KLHL24: variants seen among roughly 807,000 people sequenced by gnomAD.
KLHL24 encodes the protein kelch-like protein 24.
A neutral mutation model predicts 53.4 loss-of-function variants in KLHL24; 29 were observed. That is an observed-to-expected ratio of 0.54 (90% CI 0.40 to 0.74). The LOEUF (loss-of-function observed/expected upper bound fraction) is 0.74, where lower values mean the gene tolerates loss of function less well. Ranked by LOEUF, KLHL24 falls within the 30% of genes least tolerant of loss-of-function variation. KLHL24 has a pLI of 0.00. For synonymous variants in KLHL24, 222 were observed against 253.7 expected (o/e 0.88, Z 1.19); for missense variants, 504 against 744.0 (o/e 0.68, Z 3.75).
chr3:183,651,228 AC>A lies in KLHL24; in HGVS notation c.874del (p.His292ThrfsTer7). ...CYQLLHEARR[Y>X]HILGNEMMSP... Reference sequence around the variant, plus strand: ...CAGTTGTTGCATGAAGCAAGACGGTACCACATACTTGGGAATGAAATGATGT... The same window carrying A: ...CAGTTGTTGCATGAAGCAAGACGGTACACATACTTGGGAATGAAATGATGT... On this transcript the variant is annotated frameshift_variant, in exon 3 of 8. Coordinates refer to ENST00000242810, the MANE Select transcript of KLHL24 (RefSeq NM_017644.3). LOFTEE classifies it high-confidence loss of function. 1 of 1,614,164 alleles carries A rather than the reference AC, an allele frequency of 6.2e-7. No homozygotes were observed. The highest frequency in any genetic ancestry group is 8.5e-7 in the Non-Finnish European group (1 of 1,180,012).
In KLHL24 at chr3:183,655,141, C is replaced by T. The variant is rs747498379; in HGVS notation, c.920+3865C>T. Among the ~76,000 whole-genome samples the T allele has an allele frequency of 1.5e-4, 23 of 152,172 alleles. 1 individual carries two copies. The highest frequency in any genetic ancestry group is 2.5e-4 in the Non-Finnish European group (17 of 68,026). On this transcript the variant is annotated intron_variant, in intron 3 of 7. Coordinates refer to ENST00000242810, the MANE Select transcript of KLHL24 (RefSeq NM_017644.3). ...AATAGAAATTCTCCCTATATACCCACGTGTCTCTTAAATGACAGAGAAATC... is the reference window on the plus strand; with the variant it reads ...AATAGAAATTCTCCCTATATACCCATGTGTCTCTTAAATGACAGAGAAATC...
At position 183,655,168 on chromosome 3, in the gene KLHL24, C is replaced by T. The variant is rs567435898; in HGVS notation, c.920+3892C>T. On this transcript the variant is annotated intron_variant, in intron 3 of 7. Transcript: ENST00000242810. ...TGTCTCTTAAATGACAGAGAAATCC[C>T]GAAAATGCATTATATTAAAAACAGT... 1.4e-4 allele frequency among the ~76,000 whole-genome samples: 22 copies of T among 152,238 alleles called. No individual in the cohort carries two copies. The South Asian group carries it at 3.7e-3, about 26-fold the overall frequency.
At chr3:183,678,138 GT>G (rs1308772578) in intron 7 of KLHL24, among the ~76,000 whole-genome samples, 1 of 152,118 alleles carries the variant, frequency 6.6e-6, no homozygotes, top group Admixed American at 6.5e-5. Flanking sequence ...AAGAATATTT[GT>G]TTTATATAGT....
chr3:183,665,306 T>C (rs1720372485), intron 5 of KLHL24, among the ~76,000 whole-genome samples: 1 of 152,230 alleles, frequency 6.6e-6, no homozygotes, highest in African/African-American at 2.4e-5. Context: ...TAAGAAGCAT[T>C]GGAAAATAAA....
At chr3:183,662,449 GACTTA>G (rs1186090279) in intron 3 of KLHL24, among the ~76,000 whole-genome samples, 1 of 151,996 alleles carries the variant, frequency 6.6e-6, no homozygotes, top group African/African-American at 2.4e-5. Context: ...TTCTTTGTGA[GACTTA>G]ACTTGTAGCA....
intron 2 of KLHL24, among the ~76,000 whole-genome samples, chr3:183,649,003 CA>C (rs3834187): frequency 0.074 from 10,840 of 145,616 alleles, 1,316 homozygotes; most frequent in African/African-American, 0.25. Context: ...ACCTTGTTTC[CA>C]AAAAAAAAAA....
At chr3:183,656,237 C>T (rs944757564) in intron 3 of KLHL24, among the ~76,000 whole-genome samples, 5 of 151,990 alleles carry the variant, frequency 3.3e-5, no homozygotes, top group Non-Finnish European at 7.4e-5. Context: ...CCATGTTGCT[C>T]AGGCTTGTCC....
At chr3:183,637,764 T>C (rs1239989032) in intron 1 of KLHL24, among the ~76,000 whole-genome samples, 1 of 152,210 alleles carries the variant, frequency 6.6e-6, no homozygotes, top group Admixed American at 6.5e-5. Context: ...GTTCAATCGA[T>C]TCTCCTGCCT....
At chr3:183,647,547 C>T (rs1478548849) in intron 2 of KLHL24, among the ~76,000 whole-genome samples, 1 of 151,858 alleles carries the variant, frequency 6.6e-6, no homozygotes, top group African/African-American at 2.4e-5. Flanking sequence ...CCCGTCTCTA[C>T]TAAAATACAA....
At position 183,663,782 on chromosome 3, in the gene KLHL24, T is replaced by A; in HGVS notation, c.1105+140T>A. The A allele has an allele frequency of 1.9e-6, 1 of 522,706 alleles. No individual in the cohort carries two copies. The highest frequency in any genetic ancestry group is 3.1e-6 in the Non-Finnish European group (1 of 323,962). 32.4% of individuals were successfully genotyped at this position (522,706 alleles called of 1,614,324 possible). ...AGTTTACAACAAATAAAACCAAGAA[T>A]GACTTTTTGCTCTTAAAAACAGGTA... On this transcript the variant is annotated intron_variant, in intron 4 of 7. Transcript: ENST00000242810. The surrounding 1 kb of genome is among the most constrained non-coding windows in gnomAD (Gnocchi z 4.9).
intron 7 of KLHL24, among the ~76,000 whole-genome samples, chr3:183,674,277 T>TTCTTTCTTTCTTTCTC (rs1721800597): frequency 6.6e-6 from 1 of 150,946 alleles, no homozygotes; most frequent in Admixed American, 6.6e-5. Context: ...CTTTCTTTCT[T>TTCTTTCTTTCTTTCTC]TCTTTCTTTC....
rs939065465 is a variant in KLHL24, at chr3:183,680,453, A to C, written c.*1167A>C. 2.6e-5 allele frequency: 4 copies of C among 152,204 alleles called. No homozygotes were observed. The highest frequency in any genetic ancestry group is 4.4e-5 in the Non-Finnish European group (3 of 68,026). 9.4% of individuals were successfully genotyped at this position (152,204 alleles called of 1,614,324 possible). A position where few individuals can be genotyped will look rare whatever the true frequency, so the allele number is the denominator to read the frequency against. Reference sequence around the variant, plus strand: ...GAGTCTCTACTGTTAAGGTACCTTTAATAGGATAAAGCAGGGACCACCTAT... The same window carrying C: ...GAGTCTCTACTGTTAAGGTACCTTTCATAGGATAAAGCAGGGACCACCTAT... On this transcript the variant is annotated 3_prime_UTR_variant, in exon 8 of 8. Coordinates refer to ENST00000242810, the MANE Select transcript of KLHL24 (RefSeq NM_017644.3).
At chr3:183,645,039 C>T (rs9858949) in intron 2 of KLHL24, among the ~76,000 whole-genome samples, 50,924 of 152,050 alleles carry the variant, frequency 0.33, 9,380 homozygotes, top group African/African-American at 0.49. Context: ...TGAAATGCAA[C>T]AGGAATTTAA....
At chr3:183,678,931 C>G (rs1214944372) in intron 7 of KLHL24, among the ~76,000 whole-genome samples, 155 bp from the exon 8 acceptor site, 2 of 60,678 alleles carry the variant, frequency 3.3e-5, no homozygotes, top group Non-Finnish European at 5.4e-5. Context: ...AGCGCTTACA[C>G]AGAACACAGA....
intron 4 of KLHL24, among the ~76,000 whole-genome samples, chr3:183,664,703 T>C (rs558041029): frequency 1.3e-5 from 2 of 152,248 alleles, no homozygotes; most frequent in Non-Finnish European, 2.9e-5. Context: ...TCTATAATTA[T>C]CACTTATCAA....
At chr3:183,669,942 A>G (rs190794028) in intron 5 of KLHL24, among the ~76,000 whole-genome samples, 1 of 152,258 alleles carries the variant, frequency 6.6e-6, no homozygotes, top group East Asian at 1.9e-4. Flanking sequence ...TAATGATGAC[A>G]GTCCATTAAG....
At chr3:183,651,704 C>T (rs1490804531) in intron 3 of KLHL24, among the ~76,000 whole-genome samples, 2 of 152,160 alleles carry the variant, frequency 1.3e-5, no homozygotes, top group South Asian at 4.1e-4. Context: ...CCTATAATCC[C>T]AGTACTTTGG....
In KLHL24 at chr3:183,650,114, A is replaced by G. The variant is rs1320893883; in HGVS notation, c.-61-182A>G. On this transcript the variant is annotated intron_variant, in intron 2 of 7. Coordinates refer to ENST00000242810, the MANE Select transcript of KLHL24 (RefSeq NM_017644.3). The surrounding 1 kb of genome is among the most constrained non-coding windows in gnomAD (Gnocchi z 4.5). ...AGGAGTACTATTGCAAATTACCCCA[A>G]TGTTCTAATTGTTCAAATGCAAATT... is the stretch of plus-strand genomic sequence containing the variant. Among the ~76,000 whole-genome samples the G allele has an allele frequency of 6.6e-6, 1 of 152,078 alleles. No homozygotes were observed. The highest frequency in any genetic ancestry group is 1.5e-5 in the Non-Finnish European group (1 of 68,016).
chr3:183,636,944 T>C (rs111501198), intron 1 of KLHL24, among the ~76,000 whole-genome samples: 10,331 of 152,252 alleles, frequency 0.068, 1,212 homozygotes, highest in African/African-American at 0.24. Context: ...TACCGTGGCC[T>C]GCCCTCCGAG....
Sources: gnomAD v4.1 joint callset for allele counts (sites outside exome capture counted in the v4.1 genomes callset) on GRCh38, gnomAD v4.1.1 for gene constraint, Gnocchi (gnomAD v3.1) non-coding constraint, MANE v1.5 for transcripts, NCBI Gene and HGNC (gene_info 2026-07-23, HGNC 2026-07-21) for gene names.